The following IGSF10 variants were observed in gnomAD, a reference collection of about 807,000 sequenced individuals.
IGSF10 encodes the protein immunoglobulin superfamily member 10.
IGSF10 carries 126 observed loss-of-function variants against 128.2 expected under a neutral mutation model. The observed-to-expected ratio is 0.98, with a 90% confidence interval of 0.85 to 1.14. IGSF10 has a LOEUF of 1.14. Among genes scored for constraint, IGSF10 ranks in the 50% most tolerant of loss-of-function variants. The probability of loss-of-function intolerance (pLI) is 0.00; values close to 1 mark genes in which losing one functional copy is unlikely to be tolerated. For missense variants in IGSF10, 3,295 were observed against 3,149.8 expected (o/e 1.05, Z -1.10); for synonymous variants, 1,185 against 1,146.2 (o/e 1.03, Z -0.68).
the IGSF10 span, among the ~76,000 whole-genome samples, chr3:151,598,505 C>A: frequency 6.6e-6 from 1 of 152,182 alleles, no homozygotes; most frequent in African/African-American, 2.4e-5. Flanking sequence ...ATACCAAAAT[C>A]CATGGATACT....
the IGSF10 span, among the ~76,000 whole-genome samples, chr3:151,548,133 T>C: frequency 6.6e-6 from 1 of 152,190 alleles, no homozygotes; most frequent in Non-Finnish European, 1.5e-5. Flanking sequence ...TCGAGGCTAG[T>C]TTAAAAGAAG....
the IGSF10 span, among the ~76,000 whole-genome samples, chr3:151,527,788 A>ATT: frequency 6.3e-4 from 93 of 148,232 alleles, no homozygotes; most frequent in Middle Eastern, 3.2e-3. Flanking sequence ...TGTCTCTACA[A>ATT]TTTTTTTTTT....
rs1353176374 is a variant in IGSF10 at position 151,445,937 on chromosome 3, C to T, written c.4044G>A (p.Gln1348=). The T allele has an allele frequency of 6.2e-7, 1 of 1,614,102 alleles. No individual in the cohort carries two copies. The highest frequency in any genetic ancestry group is 8.5e-7 in the Non-Finnish European group (1 of 1,180,016). Residue 1348 remains glutamine, a synonymous_variant, in exon 6 of 8, where the codon CAG becomes CAA. Transcript: ENST00000282466. ...RSRAQTIQRE[Q]EPQKKNRTDP... is the part of the protein sequence containing the mutation. ...CAGTCCTGTTCTTCTTTTGAGGCTC[C>T]TGTTCTCTTTGTATTGTTTGTGCTC...
chr3:151,471,262 C>T, the IGSF10 span, among the ~76,000 whole-genome samples: 1 of 152,168 alleles, frequency 6.6e-6, no homozygotes, highest in African/African-American at 2.4e-5. Context: ...TAATTAAAAA[C>T]CTCTTTCCTT....
the IGSF10 span, among the ~76,000 whole-genome samples, chr3:151,489,040 CTA>C: frequency 6.6e-6 from 1 of 152,140 alleles, no homozygotes; most frequent in Non-Finnish European, 1.5e-5. Context: ...AACAAGCAAC[CTA>C]CATAATGGGA....
rs1289236937 is a variant in IGSF10 at position 151,446,298 on chromosome 3, T to G, written c.3683A>C (p.Gln1228Pro). 2 of 1,613,998 alleles carry G rather than the reference T, an allele frequency of 1.2e-6. No individual in the cohort carries two copies. The highest frequency in any genetic ancestry group is 2.7e-5 in the African/African-American group (2 of 74,950). ...AGGAAGCATCACAGCTGTGCTTTTT[T>G]GTAAACTAACTTTATGTTGATTCCT... ...RLRNQHKVSLQKSTAVMLPKT... is the reference protein window; with the variant it reads ...RLRNQHKVSLPKSTAVMLPKT... The change falls in exon 6 of 8, where the codon CAA (glutamine) becomes CCA (proline). Residue 1228 changes from glutamine (Q) to proline (P), a missense_variant. Gln to Pro is a moderately conservative substitution (Grantham distance 76, BLOSUM62 -1). Coordinates refer to ENST00000282466, the MANE Select transcript of IGSF10 (RefSeq NM_178822.5).
intron 4 of IGSF10, among the ~76,000 whole-genome samples, chr3:151,456,063 G>C (rs1288489267): frequency 6.6e-6 from 1 of 152,170 alleles, no homozygotes; most frequent in Non-Finnish European, 1.5e-5. Flanking sequence ...TTCCTCAACA[G>C]CCATTGAAAA....
the IGSF10 span, among the ~76,000 whole-genome samples, chr3:151,484,175 A>AGCC: frequency 6.6e-6 from 1 of 152,240 alleles, no homozygotes; most frequent in South Asian, 2.1e-4. Context: ...GTATAAACAA[A>AGCC]GCCGCTTGGA....
the IGSF10 span, among the ~76,000 whole-genome samples, chr3:151,510,077 A>G: frequency 3.3e-5 from 5 of 152,220 alleles, no homozygotes; most frequent in Non-Finnish European, 7.3e-5. Flanking sequence ...AAAGACAGCA[A>G]TAACCTCTGC....
the IGSF10 span, among the ~76,000 whole-genome samples, chr3:151,571,126 T>C: frequency 6.6e-6 from 1 of 152,220 alleles, no homozygotes; most frequent in African/African-American, 2.4e-5. Context: ...CTGTTTTGGT[T>C]ACTGTAGGCT....
the IGSF10 span, among the ~76,000 whole-genome samples, chr3:151,487,412 G>A: frequency 6.6e-6 from 1 of 152,180 alleles, no homozygotes; most frequent in Admixed American, 6.6e-5. Context: ...ACAAAGAGGA[G>A]CTGGTACCAT....
the IGSF10 span, among the ~76,000 whole-genome samples, chr3:151,556,216 C>T: frequency 1.3e-5 from 2 of 152,132 alleles, no homozygotes; most frequent in Non-Finnish European, 2.9e-5. Flanking sequence ...GTATGCTAAT[C>T]AGATTCACAG....
At chr3:151,454,596 T>A (rs116537792) in intron 4 of IGSF10, among the ~76,000 whole-genome samples, 1,771 of 151,782 alleles carry the variant, frequency 0.012, 20 homozygotes, top group African/African-American at 0.04. Context: ...GTTTTTTTTT[T>A]AAGTCTTAGT....
In IGSF10 at chr3:151,441,595, T is replaced by A. The variant is rs56171985; in HGVS notation, c.5963+1389A>T. Among the ~76,000 whole-genome samples, 637 of 152,318 alleles carry A rather than the reference T, an allele frequency of 4.2e-3. 3 individuals are homozygous for A. The highest frequency in any genetic ancestry group is 0.015 in the African/African-American group (615 of 41,560). On this transcript the variant is annotated intron_variant, in intron 7 of 7. Coordinates refer to ENST00000282466, the MANE Select transcript of IGSF10 (RefSeq NM_178822.5). The stretch of plus-strand genomic sequence containing the variant: ...ATTTACTATGTGTAATTTTTTTGCA[T>A]GGATGTTTTCTATTAATGAATAAAC...
chr3:151,594,767 A>G, the IGSF10 span, among the ~76,000 whole-genome samples: 3 of 151,992 alleles, frequency 2.0e-5, no homozygotes, highest in Non-Finnish European at 2.9e-5. Context: ...TAGCTAAAAG[A>G]GAAGATTTTA....
chr3:151,484,455 G>A, the IGSF10 span, among the ~76,000 whole-genome samples: 1 of 152,188 alleles, frequency 6.6e-6, no homozygotes, highest in Non-Finnish European at 1.5e-5. Context: ...TCTGATAAGA[G>A]ACAGACTGCC....
chr3:151,541,429 TC>T, the IGSF10 span, among the ~76,000 whole-genome samples: 1 of 152,214 alleles, frequency 6.6e-6, no homozygotes, highest in African/African-American at 2.4e-5. Flanking sequence ...ACACTAAAGT[TC>T]TTTGTTTAAT....
At chr3:151,488,425 C>T in the IGSF10 span, among the ~76,000 whole-genome samples, 5 of 152,110 alleles carry the variant, frequency 3.3e-5, no homozygotes, top group African/African-American at 9.7e-5. Context: ...CAATGCTATC[C>T]CCATCAAGCT....
At chr3:151,613,471 A>AC in the IGSF10 span, among the ~76,000 whole-genome samples, 58 of 152,338 alleles carry the variant, frequency 3.8e-4, no homozygotes, top group African/African-American at 1.4e-3. Flanking sequence ...TGGTACCAAA[A>AC]CAGAGATATA....
Sources: gnomAD v4.1 joint callset for allele counts (sites outside exome capture counted in the v4.1 genomes callset) on GRCh38, gnomAD v4.1.1 for gene constraint, MANE v1.5 for transcripts, NCBI Gene and HGNC (gene_info 2026-07-23, HGNC 2026-07-21) for gene names.